Variants in HS3ST4 observed in about 807,000 individuals in gnomAD.
The protein encoded by HS3ST4 is heparan sulfate glucosamine 3-O-sulfotransferase 4.
Under a neutral mutation model 29.2 loss-of-function variants are expected in HS3ST4, and 17 were observed. The observed-to-expected ratio is 0.58, with a 90% CI of 0.40 to 0.87. HS3ST4 has a LOEUF of 0.87. Ranked by LOEUF, HS3ST4 falls within the 40% of genes least tolerant of loss-of-function variation. The pLI is 0.00. For missense variants in HS3ST4, 627 were observed against 634.5 expected (o/e 0.99, Z 0.13); for synonymous variants, 314 against 285.7 (o/e 1.10, Z -1.00).
chr16:26,087,703 T>C (rs1026670116), intron 1 of HS3ST4, among the ~76,000 whole-genome samples: 1 of 152,144 alleles, frequency 6.6e-6, no homozygotes, highest in African/African-American at 2.4e-5. Context: ...TTAAAAAATA[T>C]TTGCATTATA....
intron 1 of HS3ST4, among the ~76,000 whole-genome samples, chr16:25,800,476 T>G (rs1238031702): frequency 2.0e-5 from 3 of 152,106 alleles, no homozygotes; most frequent in African/African-American, 7.2e-5. Flanking sequence ...ATATCTACTT[T>G]TTTCTTTGTT....
At chr16:25,726,715 T>C (rs546829377) in intron 1 of HS3ST4, among the ~76,000 whole-genome samples, 1 of 152,340 alleles carries the variant, frequency 6.6e-6, no homozygotes, top group East Asian at 1.9e-4. Flanking sequence ...ATTCGTGGCA[T>C]CAGTCAATAG....
At chr16:25,914,847 T>C (rs1968276894) in intron 1 of HS3ST4, among the ~76,000 whole-genome samples, 1 of 151,890 alleles carries the variant, frequency 6.6e-6, no homozygotes, top group Admixed American at 6.6e-5. Flanking sequence ...AAGGAAATCA[T>C]CTAAAGGAGT....
intron 1 of HS3ST4, among the ~76,000 whole-genome samples, chr16:25,893,536 T>A (rs1174786457): frequency 6.6e-6 from 1 of 152,224 alleles, no homozygotes; most frequent in Admixed American, 6.5e-5. Context: ...TGGTCAGCCT[T>A]GGGTCACATG....
intron 1 of HS3ST4, among the ~76,000 whole-genome samples, chr16:25,982,248 CA>C (rs1341141417): frequency 6.6e-6 from 1 of 152,212 alleles, no homozygotes; most frequent in Non-Finnish European, 1.5e-5. Flanking sequence ...GCCCTTCACT[CA>C]CCCAGCTGGG....
At chr16:25,865,944 T>C (rs1967690303) in intron 1 of HS3ST4, among the ~76,000 whole-genome samples, 1 of 152,098 alleles carries the variant, frequency 6.6e-6, no homozygotes, top group Non-Finnish European at 1.5e-5. Flanking sequence ...CCCAAAAGCA[T>C]AAGCAACAAA....
intron 1 of HS3ST4, among the ~76,000 whole-genome samples, chr16:25,731,577 G>A (rs1163506596): frequency 6.6e-6 from 1 of 152,172 alleles, no homozygotes; most frequent in Admixed American, 6.5e-5. Context: ...CTGGACTCAA[G>A]TGATCTTCCC....
At chr16:25,734,807 G>A (rs1289382819) in intron 1 of HS3ST4, among the ~76,000 whole-genome samples, 1 of 152,174 alleles carries the variant, frequency 6.6e-6, no homozygotes, top group Non-Finnish European at 1.5e-5. Flanking sequence ...GAAGCCTAAG[G>A]AGTCACCTGA....
intron 1 of HS3ST4, among the ~76,000 whole-genome samples, chr16:25,959,331 A>T (rs981628116): frequency 8.5e-5 from 13 of 152,216 alleles, no homozygotes; most frequent in African/African-American, 3.1e-4. Flanking sequence ...TCCTATCTAT[A>T]GGAACAATGA....
intron 1 of HS3ST4, among the ~76,000 whole-genome samples, chr16:25,786,196 G>T (rs531455166): frequency 6.6e-6 from 1 of 152,160 alleles, no homozygotes; most frequent in Non-Finnish European, 1.5e-5. Context: ...GCATTATTGC[G>T]CAGGGTAGAA....
Position 25,778,221 on chromosome 16 carries a change from G to A in HS3ST4, c.734+85070G>A, listed in dbSNP as rs182428397. ...ACTGACATATTTTATCACCTTCTAAGACCTAGTTGGCCTCACCTATCTCCA... is the reference window on the plus strand; with the variant it reads ...ACTGACATATTTTATCACCTTCTAAAACCTAGTTGGCCTCACCTATCTCCA... On this transcript the variant is annotated intron_variant, in intron 1 of 1. Coordinates refer to ENST00000331351, the MANE Select transcript of HS3ST4 (RefSeq NM_006040.3). Among the ~76,000 whole-genome samples, 264 of 152,202 alleles carry A rather than the reference G, an allele frequency of 1.7e-3. 2 individuals are homozygous for A. Among genetic ancestry groups the A allele is most frequent in the African/African-American group, 6.0e-3 (250 of 41,516 alleles).
intron 1 of HS3ST4, among the ~76,000 whole-genome samples, chr16:25,726,364 T>C (rs1353130025): frequency 1.3e-5 from 2 of 152,300 alleles, no homozygotes; most frequent in East Asian, 3.9e-4. Flanking sequence ...ATTTACTTGA[T>C]GTTATACAGT....
chr16:25,789,344 C>T (rs910627508), intron 1 of HS3ST4, among the ~76,000 whole-genome samples: 2 of 150,854 alleles, frequency 1.3e-5, no homozygotes, highest in Non-Finnish European at 3.0e-5. Context: ...TCCTCCCTCT[C>T]CTTCCTTCTT....
chr16:25,699,450 T>G (rs1367206455), intron 1 of HS3ST4, among the ~76,000 whole-genome samples: 1 of 152,266 alleles, frequency 6.6e-6, no homozygotes, highest in Admixed American at 6.5e-5. Context: ...TTTTCACTCG[T>G]TAATCAGGAG....
intron 1 of HS3ST4, among the ~76,000 whole-genome samples, chr16:26,111,890 G>T (rs975079158): frequency 6.6e-6 from 1 of 151,738 alleles, no homozygotes; most frequent in Non-Finnish European, 1.5e-5. Context: ...GATGATGGGC[G>T]CCTGTAGTCC....
intron 1 of HS3ST4, among the ~76,000 whole-genome samples, chr16:26,015,435 G>T (rs970705504): frequency 6.6e-6 from 1 of 152,228 alleles, no homozygotes; most frequent in South Asian, 2.1e-4. Context: ...GCCAATATGT[G>T]TGTAGTGTTG....
At chr16:25,718,719 T>G (rs541427042) in intron 1 of HS3ST4, among the ~76,000 whole-genome samples, 20 of 152,236 alleles carry the variant, frequency 1.3e-4, no homozygotes, top group African/African-American at 4.8e-4. Flanking sequence ...GAGACATCTA[T>G]GTATAGATAT....
intron 1 of HS3ST4, among the ~76,000 whole-genome samples, chr16:25,797,664 T>C (rs559816822): frequency 6.6e-6 from 1 of 152,332 alleles, no homozygotes. Context: ...GTGATATGTT[T>C]GCAGAGGTCC....
intron 1 of HS3ST4, among the ~76,000 whole-genome samples, chr16:25,745,308 T>C (rs1448016483): frequency 6.6e-6 from 1 of 152,166 alleles, no homozygotes; most frequent in African/African-American, 2.4e-5. Flanking sequence ...TGTCCTCCCA[T>C]TGAGCATCAG....
Sources: gnomAD v4.1 joint callset for allele counts (sites outside exome capture counted in the v4.1 genomes callset) on GRCh38, gnomAD v4.1.1 for gene constraint, MANE v1.5 for transcripts, NCBI Gene and HGNC (gene_info 2026-07-23, HGNC 2026-07-21) for gene names.